Variants in ZNF827 observed in about 807,000 individuals in gnomAD.
The protein encoded by ZNF827 is zinc finger protein 827.
In ZNF827, 13 loss-of-function variants were observed where a neutral mutation model predicts 102.4. The ratio of observed to expected loss-of-function variants is 0.13; its 90% CI spans 0.08 to 0.20. The LOEUF (loss-of-function observed/expected upper bound fraction) is 0.20. ZNF827 is among the 10% of genes least tolerant of loss of function. ZNF827 has a pLI of 1.00. For missense variants in ZNF827, 1,103 were observed against 1,344.4 expected, an observed-to-expected ratio of 0.82 and a Z score of 2.81; for synonymous variants, 523 against 536.2, an observed-to-expected ratio of 0.98 and a Z score of 0.34.
Position 145,887,946 on chromosome 4 carries a change from G to A in ZNF827, c.1267-1788C>T, listed in dbSNP as rs187702451. ...TGTCCTTACATCTACTGACCCAGGAGAGGAGGGGAGCTAATCCAAGAACAG... is the reference window on the plus strand; with the variant it reads ...TGTCCTTACATCTACTGACCCAGGAAAGGAGGGGAGCTAATCCAAGAACAG... On this transcript the variant is annotated intron_variant, in intron 3 of 14. Coordinates refer to ENST00000508784, the MANE Select transcript of ZNF827 (RefSeq NM_001306215.2). 4.6e-5 allele frequency among the ~76,000 whole-genome samples: 7 copies of A among 152,314 alleles called. No individual in the cohort carries two copies. In the East Asian group the frequency reaches 1.4e-3, roughly 29 times the overall value.
intron 1 of ZNF827, among the ~76,000 whole-genome samples, chr4:145,914,326 C>T (rs754009173): frequency 2.0e-5 from 3 of 152,176 alleles, no homozygotes; most frequent in African/African-American, 7.2e-5. Context: ...CTTCCCCTAA[C>T]GCGCCCCCTG....
rs1270964656 is a variant in ZNF827 at position 145,818,840 on chromosome 4, T to A, written c.2383+4582A>T. ...TGGCATTCTAATACAAGGCATCATT[T>A]ATTCAGATTTCAGGAAAGTATATGA... On this transcript the variant is annotated intron_variant, in intron 8 of 14. Transcript: ENST00000508784. 5.3e-5 allele frequency among the ~76,000 whole-genome samples: 8 copies of A among 152,180 alleles called. 1 individual carries two copies. The highest frequency in any genetic ancestry group is 2.9e-5 in the Non-Finnish European group (2 of 68,038).
chr4:145,771,738 G>A (rs1340678860), intron 11 of ZNF827, among the ~76,000 whole-genome samples: 2 of 152,180 alleles, frequency 1.3e-5, no homozygotes, highest in Non-Finnish European at 2.9e-5. Context: ...GAGAAAGCAT[G>A]GGTTCTGTAG....
intron 8 of ZNF827, among the ~76,000 whole-genome samples, chr4:145,787,501 A>G (rs1019099232): frequency 4.0e-5 from 6 of 151,808 alleles, no homozygotes; most frequent in African/African-American, 1.5e-4. Flanking sequence ...GTTTTTGTCA[A>G]TCTGTGCTCA....
At chr4:145,891,593 A>G (rs192320032) in intron 3 of ZNF827, among the ~76,000 whole-genome samples, 39 of 152,330 alleles carry the variant, frequency 2.6e-4, no homozygotes, top group African/African-American at 8.7e-4. Context: ...GACATTGAAA[A>G]TTATGTCCTT....
intron 11 of ZNF827, among the ~76,000 whole-genome samples, chr4:145,770,033 C>T (rs1394409365): frequency 6.6e-6 from 1 of 152,186 alleles, no homozygotes; most frequent in Non-Finnish European, 1.5e-5. Flanking sequence ...TGCCGTGGCT[C>T]ACGCCTGTAA....
At chr4:145,932,696 G>C (rs1753901225) in intron 1 of ZNF827, among the ~76,000 whole-genome samples, 1 of 152,114 alleles carries the variant, frequency 6.6e-6, no homozygotes, top group African/African-American at 2.4e-5. Flanking sequence ...GGATGGTCTC[G>C]ATCTCCTGAC....
rs192380253 is a variant in ZNF827, at chr4:145,769,179, T to C, written c.2861-3441A>G. Among the ~76,000 whole-genome samples, 107 of 152,020 alleles carry C rather than the reference T, an allele frequency of 7.0e-4. 2 individuals are homozygous for C. The highest frequency in any genetic ancestry group is 2.5e-3 in the African/African-American group (102 of 41,474). On this transcript the variant is annotated intron_variant, in intron 11 of 14. Coordinates refer to ENST00000508784, the MANE Select transcript of ZNF827 (RefSeq NM_001306215.2). ...ACAATTTTAAAAATCTTGCTCCTATTAGAACTGCAAGTATGTGACCTCAGT... is the reference window on the plus strand; with the variant it reads ...ACAATTTTAAAAATCTTGCTCCTATCAGAACTGCAAGTATGTGACCTCAGT...
At chr4:145,872,822 CCAAGATCATGCCACTGCACA>C (rs1748816397) in intron 4 of ZNF827, among the ~76,000 whole-genome samples, 1 of 148,000 alleles carries the variant, frequency 6.8e-6, no homozygotes, top group Non-Finnish European at 1.5e-5. Flanking sequence ...TTGTGGTGAG[CCAAGATCATGCCACTGCACA>C]CCAGCCTGGG....
In ZNF827 at chr4:145,765,242, C is replaced by T; in HGVS notation, c.3053-77G>A. ...GGGCAGGAGTGGAGCCAAGCTCCTC[C>T]CCACTTCCTCCCGCCTCCTCCGACG... is the stretch of plus-strand genomic sequence containing the variant. On this transcript the variant is annotated intron_variant, in intron 12 of 14. Coordinates refer to ENST00000508784, the MANE Select transcript of ZNF827 (RefSeq NM_001306215.2). The surrounding 1 kb of genome is among the most constrained non-coding windows in gnomAD (Gnocchi z 4.7). 3 of 1,434,248 alleles carry T rather than the reference C, an allele frequency of 2.1e-6. No homozygotes were observed. Among genetic ancestry groups the T allele is most frequent in the Non-Finnish European group, 2.8e-6 (3 of 1,072,038 alleles). 88.8% of individuals were successfully genotyped at this position (1,434,248 alleles called of 1,614,324 possible). A position where few individuals can be genotyped will look rare whatever the true frequency, so the allele number is the denominator to read the frequency against.
rs1005227868 is a variant in ZNF827, at chr4:145,840,512, A to G, written c.2279+5444T>C. ...TTAGTAGCAATTTCCATTCTTTGGAAATAGAATGCTCATTGCATTTAATTT... is the reference window on the plus strand; with the variant it reads ...TTAGTAGCAATTTCCATTCTTTGGAGATAGAATGCTCATTGCATTTAATTT... On this transcript the variant is annotated intron_variant, in intron 7 of 14. Coordinates refer to ENST00000508784, the MANE Select transcript of ZNF827 (RefSeq NM_001306215.2). Among the ~76,000 whole-genome samples the G allele has an allele frequency of 3.3e-5, 5 of 152,378 alleles. No individual in the cohort carries two copies. The East Asian group carries it at 9.6e-4, about 29-fold the overall frequency.
At chr4:145,905,639 T>G (rs971895746) in intron 1 of ZNF827, among the ~76,000 whole-genome samples, 3 of 152,226 alleles carry the variant, frequency 2.0e-5, no homozygotes, top group African/African-American at 7.2e-5. Context: ...AGATGCTTTT[T>G]ACCAAACACC....
rs142542183 is a variant in ZNF827 at position 145,816,020 on chromosome 4, A to G, written c.2383+7402T>C. 1.8e-3 allele frequency among the ~76,000 whole-genome samples: 276 copies of G among 152,350 alleles called. 1 individual carries two copies. The highest frequency in any genetic ancestry group is 6.4e-3 in the African/African-American group (268 of 41,590). On this transcript the variant is annotated intron_variant, in intron 8 of 14. Transcript: ENST00000508784. ...GCCCTGGGGATAACCTATACTTGAGAAACAAAGTCCTCAAATGGAATTTGG... is the reference window on the plus strand; with the variant it reads ...GCCCTGGGGATAACCTATACTTGAGGAACAAAGTCCTCAAATGGAATTTGG...
At position 145,765,764 on chromosome 4, in the gene ZNF827, C is replaced by G. The variant is rs1388689587; in HGVS notation, c.2861-26G>C. 6.2e-7 allele frequency: 1 copy of G among 1,604,522 alleles called. No homozygotes were observed. The highest frequency in any genetic ancestry group is 8.5e-7 in the Non-Finnish European group (1 of 1,174,854). On this transcript the variant is annotated intron_variant, in intron 11 of 14. Coordinates refer to ENST00000508784, the MANE Select transcript of ZNF827 (RefSeq NM_001306215.2). This position sits in a 1 kb window ranked among gnomAD's most constrained non-coding sequence, Gnocchi z 4.7. ...CTGAAAAATAAGCAAATAACCCAGT[C>G]TGTTAATGAGATGAAAATCCTCAGA...
intron 1 of ZNF827, among the ~76,000 whole-genome samples, chr4:145,908,059 C>A (rs1752008901): frequency 6.6e-6 from 1 of 152,160 alleles, no homozygotes; most frequent in East Asian, 1.9e-4. Context: ...GTCTTTTCAA[C>A]TCACTTCCTT....
intron 9 of ZNF827, 143 bp from the exon 10 acceptor site, chr4:145,776,103 G>GT (rs1458401793): frequency 7.6e-6 from 7 of 920,236 alleles, no homozygotes; most frequent in South Asian, 1.7e-5. Context: ...CCTAGGAATT[G>GT]TAAGTATCTA....
Position 145,763,679 on chromosome 4 carries a change from A to C in ZNF827, c.3231-557T>G, listed in dbSNP as rs565295837. On this transcript the variant is annotated intron_variant, in intron 13 of 14. Coordinates refer to ENST00000508784, the MANE Select transcript of ZNF827 (RefSeq NM_001306215.2). This position sits in a 1 kb window ranked among gnomAD's most constrained non-coding sequence, Gnocchi z 4.6. ...GGGAAGGGCAGTGAGCACTGGTCCA[A>C]CCACAGAAAAACATGGTTCTGGTGT... Among the ~76,000 whole-genome samples the C allele has an allele frequency of 6.6e-6, 1 of 152,244 alleles. No homozygotes were observed. Among genetic ancestry groups the C allele is most frequent in the Admixed American group, 6.5e-5 (1 of 15,290 alleles).
intron 1 of ZNF827, among the ~76,000 whole-genome samples, chr4:145,920,359 C>T (rs1381316458): frequency 1.3e-5 from 2 of 152,186 alleles, no homozygotes; most frequent in Non-Finnish European, 2.9e-5. Context: ...AGAGCAACAG[C>T]CAATAGCTGA....
intron 1 of ZNF827, among the ~76,000 whole-genome samples, chr4:145,932,944 T>G (rs142453254): frequency 2.6e-5 from 4 of 152,322 alleles, no homozygotes; most frequent in Admixed American, 2.6e-4. Flanking sequence ...ATTCAGACTC[T>G]AAAATCTCAA....
Sources: allele counts gnomAD v4.1 joint callset (sites outside exome capture counted in the v4.1 genomes callset), GRCh38; gene constraint gnomAD v4.1.1; non-coding constraint Gnocchi (gnomAD v3.1); transcripts MANE v1.5; gene names NCBI Gene and HGNC (gene_info 2026-07-23, HGNC 2026-07-21).